Variants in CABLES1 observed in about 807,000 individuals in gnomAD.
The protein encoded by CABLES1 is Cdk5 and Abl enzyme substrate 1, also known as CDK5 and ABL1 enzyme substrate 1.
A neutral mutation model predicts 57.8 loss-of-function variants in CABLES1; 36 were observed. The ratio of observed to expected loss-of-function variants is 0.62; its 90% CI spans 0.48 to 0.82. The LOEUF (loss-of-function observed/expected upper bound fraction) is 0.82, where lower values mean the gene tolerates loss of function less well. CABLES1 is among the 40% of genes least tolerant of loss of function. The pLI, the probability that CABLES1 is intolerant of heterozygous loss-of-function variation, is 0.00. For synonymous variants in CABLES1, 374 were observed against 363.0 expected (o/e 1.03, Z -0.35); for missense variants, 767 against 836.6 (o/e 0.92, Z 1.03).
chr18:23,238,385 C>T (rs541447442), intron 7 of CABLES1, among the ~76,000 whole-genome samples: 9 of 152,328 alleles, frequency 5.9e-5, no homozygotes, highest in Non-Finnish European at 8.8e-5. Flanking sequence ...GTATGCCACA[C>T]GGCGTCAGAA....
chr18:23,167,183 G>C (rs1475987600), intron 1 of CABLES1, among the ~76,000 whole-genome samples: 1 of 151,994 alleles, frequency 6.6e-6, no homozygotes, highest in Non-Finnish European at 1.5e-5. Flanking sequence ...TTTGCTTAAT[G>C]GTTATTTCAA....
intron 1 of CABLES1, among the ~76,000 whole-genome samples, chr18:23,164,285 G>A (rs1390868798): frequency 1.3e-5 from 2 of 152,152 alleles, no homozygotes; most frequent in East Asian, 1.9e-4. Flanking sequence ...GTTGTCATCC[G>A]GAGCCAGTGT....
chr18:23,238,600 A>T (rs2047662398), intron 7 of CABLES1, among the ~76,000 whole-genome samples: 1 of 152,266 alleles, frequency 6.6e-6, no homozygotes, highest in African/African-American at 2.4e-5. Context: ...AGCACGTAAT[A>T]AGTGTTCAAT....
At chr18:23,149,762 G>A (rs1036423414) in intron 1 of CABLES1, 2 of 152,224 alleles carry the variant, frequency 1.3e-5, no homozygotes, top group African/African-American at 4.8e-5. Context: ...AAGCTCTGGG[G>A]CGGGGCCCAG....
intron 4 of CABLES1, chr18:23,219,109 T>C: frequency 4.4e-6 from 2 of 449,622 alleles, no homozygotes; most frequent in Non-Finnish European, 4.5e-6. Context: ...GGGGCTACCA[T>C]TGTACAGCAG....
chr18:23,253,915 C>A lies in CABLES1; in HGVS notation c.1740C>A (p.His580Gln). 6.2e-7 allele frequency: 1 copy of A among 1,614,122 alleles called. No homozygotes were observed. The highest frequency in any genetic ancestry group is 8.5e-7 in the Non-Finnish European group (1 of 1,180,024). Reference sequence around the variant, plus strand: ...AAATTGGAAGTGACCTCAAAAAACACGAAGTCAAGCATTTAATTGACGTAA... The same window carrying A: ...AAATTGGAAGTGACCTCAAAAAACAAGAAGTCAAGCATTTAATTGACGTAA... Reference protein sequence around the residue: ...AAKIGSDLKKHEVKHLIDKLE... With the variant: ...AAKIGSDLKKQEVKHLIDKLE... The change falls in exon 9 of 10, where the codon CAC (histidine) becomes CAA (glutamine). Residue 580 changes from histidine (H) to glutamine (Q), a missense_variant. His to Gln is a conservative substitution (Grantham distance 24). Transcript: ENST00000256925.
At chr18:23,178,043 C>G (rs899908388) in intron 1 of CABLES1, among the ~76,000 whole-genome samples, 2 of 152,156 alleles carry the variant, frequency 1.3e-5, no homozygotes, top group Non-Finnish European at 2.9e-5. Context: ...GTGAAGCTGG[C>G]CCTTTTATTT....
At chr18:23,200,345 C>T (rs937024630) in intron 3 of CABLES1, among the ~76,000 whole-genome samples, 8 of 150,582 alleles carry the variant, frequency 5.3e-5, no homozygotes, top group Non-Finnish European at 8.9e-5. Context: ...CTGCAAACTC[C>T]GCCTCCTAGG....
chr18:23,232,019 C>T (rs1598843096), intron 4 of CABLES1, among the ~76,000 whole-genome samples: 2 of 152,048 alleles, frequency 1.3e-5, no homozygotes, highest in Admixed American at 6.5e-5. Context: ...CCAGTACCGG[C>T]GAGACAGCAA....
Position 23,138,824 on chromosome 18 carries a change from A to G in CABLES1, c.845+2217A>G, listed in dbSNP as rs375984906. Among the ~76,000 whole-genome samples the G allele has an allele frequency of 9.2e-5, 14 of 152,054 alleles. No homozygotes were observed. The South Asian group carries it at 2.9e-3, about 32-fold the overall frequency. ...CTGGGATGTTTTCATATCAAATTGT[A>G]TTTTCCTTGGATTCATTTCTTGCCA... On this transcript the variant is annotated intron_variant, in intron 1 of 9. Transcript: ENST00000256925.
In CABLES1 at chr18:23,200,299, T is replaced by G. The variant is rs142142349; in HGVS notation, c.1010+5759T>G. On this transcript the variant is annotated intron_variant, in intron 3 of 9. Coordinates refer to ENST00000256925, the MANE Select transcript of CABLES1 (RefSeq NM_001100619.3). The stretch of plus-strand genomic sequence containing the variant: ...TTTTTAGATGGAGTCTCACTCTGTC[T>G]CCCAGGCTGCAGTGCAGTGGTGTGA... Among the ~76,000 whole-genome samples the G allele has an allele frequency of 2.3e-3, 353 of 151,832 alleles. 1 individual carries two copies. Among genetic ancestry groups the G allele is most frequent in the African/African-American group, 7.8e-3 (323 of 41,412 alleles).
intron 3 of CABLES1, among the ~76,000 whole-genome samples, chr18:23,207,426 T>G (rs1249303021): frequency 6.6e-6 from 1 of 152,234 alleles, no homozygotes; most frequent in African/African-American, 2.4e-5. Context: ...ATCTTCTCAC[T>G]GTAGACTGGT....
At chr18:23,173,938 G>C (rs961738062) in intron 1 of CABLES1, among the ~76,000 whole-genome samples, 1 of 152,170 alleles carries the variant, frequency 6.6e-6, no homozygotes. Context: ...ACTCCAGCCT[G>C]GGTAATAGAG....
At chr18:23,231,889 A>G (rs1457317311) in intron 4 of CABLES1, among the ~76,000 whole-genome samples, 1 of 152,154 alleles carries the variant, frequency 6.6e-6, no homozygotes, top group Non-Finnish European at 1.5e-5. Flanking sequence ...ATTTGGCGGC[A>G]GGCAGACAGC....
At chr18:23,136,812 A>T (rs990191501) in intron 1 of CABLES1, among the ~76,000 whole-genome samples, 3 of 152,206 alleles carry the variant, frequency 2.0e-5, no homozygotes, top group African/African-American at 4.8e-5. Context: ...ACGTGTTTGC[A>T]CGAGCCCAGC....
chr18:23,188,032 A>C (rs958303102), intron 1 of CABLES1, among the ~76,000 whole-genome samples: 10 of 152,212 alleles, frequency 6.6e-5, no homozygotes, highest in African/African-American at 2.4e-4. Flanking sequence ...TTTTCAATCC[A>C]TCCCTGCTCC....
At chr18:23,222,395 A>G (rs1341705853) in intron 4 of CABLES1, among the ~76,000 whole-genome samples, 3 of 151,968 alleles carry the variant, frequency 2.0e-5, no homozygotes, top group African/African-American at 7.3e-5. Context: ...CTTAATCCTC[A>G]AGGTATCTGC....
intron 7 of CABLES1, among the ~76,000 whole-genome samples, chr18:23,244,165 G>A (rs2047816199): frequency 6.6e-6 from 1 of 152,214 alleles, no homozygotes; most frequent in Admixed American, 6.5e-5. Context: ...GGGTGTGGGT[G>A]ATCTCAGGGC....
intron 1 of CABLES1, among the ~76,000 whole-genome samples, chr18:23,178,791 T>C (rs2047143088): frequency 6.6e-6 from 1 of 152,160 alleles, no homozygotes; most frequent in Admixed American, 6.5e-5. Flanking sequence ...TGAGAGCCCT[T>C]GAAACAAAAG....
Sources: gnomAD v4.1 joint callset for allele counts (sites outside exome capture counted in the v4.1 genomes callset) on GRCh38, gnomAD v4.1.1 for gene constraint, MANE v1.5 for transcripts, NCBI Gene and HGNC (gene_info 2026-07-23, HGNC 2026-07-21) for gene names.